UTP6: variants seen among roughly 807,000 people sequenced by gnomAD.
UTP6 encodes U3 small nucleolar RNA-associated protein 6 homolog.
Under a neutral mutation model 96.5 loss-of-function variants are expected in UTP6, and 60 were observed. The observed-to-expected ratio is 0.62, with a 90% CI of 0.51 to 0.77. The LOEUF is 0.77. Among genes scored for constraint, UTP6 ranks in the 30% least tolerant of loss-of-function variants. The probability of loss-of-function intolerance (pLI) is 0.00; values close to 1 mark genes in which losing one functional copy is unlikely to be tolerated. For missense variants in UTP6, 637 were observed against 706.5 expected, an observed-to-expected ratio of 0.90 and a Z score of 1.12; for synonymous variants, 215 against 240.1, an observed-to-expected ratio of 0.90 and a Z score of 0.96.
At chr17:31,875,024 T>C (rs188136406) in intron 14 of UTP6, among the ~76,000 whole-genome samples, 11 of 151,878 alleles carry the variant, frequency 7.2e-5, no homozygotes, top group African/African-American at 2.7e-4. Context: ...CTAAATAGAA[T>C]AGGAAGTTTT....
intron 2 of UTP6, among the ~76,000 whole-genome samples, chr17:31,899,220 T>C (rs1904826877): frequency 6.7e-6 from 1 of 149,390 alleles, no homozygotes; most frequent in Non-Finnish European, 1.5e-5. Context: ...TGGCTTCAGC[T>C]CAGGAGGTGG....
chr17:31,894,507 T>C (rs1393155369), intron 4 of UTP6, 138 bp downstream of exon 4: 15 of 623,426 alleles, frequency 2.4e-5, no homozygotes, highest in Non-Finnish European at 1.4e-5. Flanking sequence ...AAAAAATGTT[T>C]TGAGTAATGA....
rs371147186 is a variant in UTP6, at chr17:31,880,740, T to G, written c.800A>C (p.His267Pro). 5.0e-6 allele frequency: 8 copies of G among 1,614,124 alleles called. No individual in the cohort carries two copies. The highest frequency in any genetic ancestry group is 6.8e-6 in the Non-Finnish European group (8 of 1,180,012). Residue 267 changes from histidine to proline, a missense_variant, in exon 11 of 19, where the codon CAC (histidine) becomes CCC (proline). By Grantham distance (77) the His-to-Pro change is moderately conservative. Coordinates refer to ENST00000261708, the MANE Select transcript of UTP6 (RefSeq NM_018428.3). Reference sequence around the variant, plus strand: ...ATCCCAAGTGAGAGGATCATCTGTGTGTAGAGCCTGAAGGCTGAAAAATAC... The same window carrying G: ...ATCCCAAGTGAGAGGATCATCTGTGGGTAGAGCCTGAAGGCTGAAAAATAC... ...KEIYDDLQAL[H>P]TDDPLTWDYV...
intron 14 of UTP6, chr17:31,874,320 C>G (rs1199427640): frequency 6.6e-6 from 1 of 152,542 alleles, no homozygotes; most frequent in Admixed American, 6.6e-5. Flanking sequence ...CGGAGGCAGG[C>G]GGATCACTTG....
Position 31,884,543 on chromosome 17 carries a change from A to G in UTP6, c.704-38T>C, listed in dbSNP as rs1348308230. 7 of 1,483,408 alleles carry G rather than the reference A, an allele frequency of 4.7e-6. No homozygotes were observed. The Admixed American group carries it at 7.2e-5, about 15-fold the overall frequency. The allele number at this position is 1,483,408 out of a possible 1,614,324, so 91.9% of individuals were successfully genotyped here. ...AGCAGGGGAGGGGAAGTTTATTGCC[A>G]ATAAGAATCACTTTACTTTAAAAGT... On this transcript the variant is annotated intron_variant, in intron 9 of 18. Transcript: ENST00000261708.
At chr17:31,867,705 C>G (rs1909906412) in intron 17 of UTP6, among the ~76,000 whole-genome samples, 1 of 152,046 alleles carries the variant, frequency 6.6e-6, no homozygotes, top group East Asian at 1.9e-4. Context: ...CGCCTGTAAT[C>G]CCAACACTTT....
In UTP6 at chr17:31,878,206, A is replaced by G. The variant is rs148454135; in HGVS notation, c.1125+44T>C. 2.4e-4 allele frequency: 380 copies of G among 1,587,110 alleles called. 4 individuals carry two copies. The East Asian group carries it at 7.6e-3, about 32-fold the overall frequency. On this transcript the variant is annotated intron_variant, in intron 13 of 18. Coordinates refer to ENST00000261708, the MANE Select transcript of UTP6 (RefSeq NM_018428.3). ...GACTCTGGCACAAAACAACTGGAATAAGGTATTTGTAACTGGCACAGAATA... is the reference window on the plus strand; with the variant it reads ...GACTCTGGCACAAAACAACTGGAATGAGGTATTTGTAACTGGCACAGAATA...
intron 13 of UTP6, among the ~76,000 whole-genome samples, chr17:31,875,763 C>T (rs1567781340): frequency 6.8e-6 from 1 of 147,194 alleles, no homozygotes; most frequent in Non-Finnish European, 1.5e-5. Flanking sequence ...GTGGAGATTG[C>T]AGTGAGCTGA....
chr17:31,892,371 A>G, intron 5 of UTP6, 48 bp from the exon 6 acceptor site: 1 of 1,556,664 alleles, frequency 6.4e-7, no homozygotes, highest in Non-Finnish European at 8.8e-7. Context: ...TAAATCATTG[A>G]TCTTACTCTC....
At chr17:31,895,315 A>C (rs980125791) in intron 2 of UTP6, among the ~76,000 whole-genome samples, 7 of 152,186 alleles carry the variant, frequency 4.6e-5, no homozygotes, top group African/African-American at 1.2e-4. Flanking sequence ...ATTGCACTAC[A>C]TTTGCTTCAA....
Position 31,862,375 on chromosome 17 carries a change from TA to T in UTP6, c.*983del, listed in dbSNP as rs1293696097. On this transcript the variant is annotated 3_prime_UTR_variant, in exon 19 of 19. Coordinates refer to ENST00000261708, the MANE Select transcript of UTP6 (RefSeq NM_018428.3). ...TTACAATGTAATGTTACGAATTCAT[TA>T]AATGTTTTTAAGGCTATTTAATGAC... 3 of 152,124 alleles carry T rather than the reference TA, an allele frequency of 2.0e-5. No individual in the cohort carries two copies. The highest frequency in any genetic ancestry group is 4.8e-5 in the African/African-American group (2 of 41,432). The allele number at this position is 152,124 out of a possible 1,614,324, so 9.4% of individuals were successfully genotyped here.
intron 6 of UTP6, among the ~76,000 whole-genome samples, chr17:31,891,367 T>C (rs946309967): frequency 2.0e-5 from 3 of 152,218 alleles, no homozygotes; most frequent in Admixed American, 1.3e-4. Context: ...AACCAGAGGC[T>C]ACCTCCATTC....
chr17:31,897,603 A>G (rs531245904), intron 2 of UTP6, among the ~76,000 whole-genome samples: 1 of 151,868 alleles, frequency 6.6e-6, no homozygotes, highest in Admixed American at 6.6e-5. Flanking sequence ...ACCCAACACC[A>G]CACCCGGCTA....
intron 17 of UTP6, among the ~76,000 whole-genome samples, chr17:31,867,776 T>C (rs1909910360): frequency 6.6e-6 from 1 of 151,970 alleles, no homozygotes; most frequent in African/African-American, 2.4e-5. Flanking sequence ...GCCAACATGG[T>C]AAAACCCCAT....
At chr17:31,889,485 T>G in intron 6 of UTP6, 82 bp from the exon 7 acceptor site, 1 of 1,043,766 alleles carries the variant, frequency 9.6e-7, no homozygotes, top group Non-Finnish European at 1.4e-6. Flanking sequence ...CCAATTTTAA[T>G]ACTCGCACAA....
rs764522075 is a variant in UTP6, at chr17:31,889,353, C to G, written c.475G>C (p.Glu159Gln). Residue 159 changes from glutamate to glutamine, a missense_variant, in exon 7 of 19, where the codon GAA becomes CAA. Coordinates refer to ENST00000261708, the MANE Select transcript of UTP6 (RefSeq NM_018428.3). ...KWEMEDRLSS[E>Q]SARQLFLRAL... ...CGAAGAAATAGTTGCCTTGCGCTTT[C>G]TGAAGACAATCGATCTTCCATTTCC... The G allele has an allele frequency of 3.1e-6, 5 of 1,613,956 alleles. No individual in the cohort carries two copies. In the South Asian group the frequency reaches 5.5e-5, roughly 18 times the overall value.
chr17:31,887,490 G>T, intron 7 of UTP6, 177 bp from the exon 8 acceptor site: 1 of 561,996 alleles, frequency 1.8e-6, no homozygotes, highest in South Asian at 2.4e-5. Flanking sequence ...TAGGATTAGA[G>T]GTGCATTCCA....
chr17:31,873,631 G>A lies in UTP6; in HGVS notation c.1386+42C>T, dbSNP rs1319388856. ...GAGCTGACCAACCAGGGAACCTTCT[G>A]CCATTCCCCACACCACAAGACTTGG... is the stretch of plus-strand genomic sequence containing the variant. On this transcript the variant is annotated intron_variant, in intron 15 of 18. Coordinates refer to ENST00000261708, the MANE Select transcript of UTP6 (RefSeq NM_018428.3). 3 of 1,613,032 alleles carry A rather than the reference G, an allele frequency of 1.9e-6. No homozygotes were observed. In the South Asian group the frequency reaches 3.3e-5, roughly 18 times the overall value.
intron 16 of UTP6, among the ~76,000 whole-genome samples, chr17:31,871,859 C>G (rs1327221247): frequency 6.6e-6 from 1 of 151,898 alleles, no homozygotes; most frequent in African/African-American, 2.4e-5. Context: ...CGCCATTACA[C>G]TCAGCCTGGG....
Sources: allele counts gnomAD v4.1 joint callset (sites outside exome capture counted in the v4.1 genomes callset), GRCh38; gene constraint gnomAD v4.1.1; transcripts MANE v1.5; gene names NCBI Gene and HGNC (gene_info 2026-07-23, HGNC 2026-07-21).